The following ABI3BP variants were observed in gnomAD, a reference collection of about 807,000 sequenced individuals.
ABI3BP encodes the protein target of Nesh-SH3.
Under a neutral mutation model 268.6 loss-of-function variants are expected in ABI3BP, and 216 were observed. That is an observed-to-expected ratio of 0.80 (90% CI 0.72 to 0.90). The LOEUF is 0.90. ABI3BP is among the 40% of genes least tolerant of loss of function. The pLI, the probability that ABI3BP is intolerant of heterozygous loss-of-function variation, is 0.00. For missense variants in ABI3BP, 2,090 were observed against 2,182.4 expected (o/e 0.96, Z 0.84); for synonymous variants, 730 against 730.0 (o/e 1.00, Z 0.00).
intron 19 of ABI3BP, 119 bp downstream of exon 19, chr3:100,847,483 T>G (rs919619514): frequency 1.2e-6 from 1 of 866,076 alleles, no homozygotes; most frequent in African/African-American, 1.7e-5. Flanking sequence ...TGGGCCATGC[T>G]GTTCAAATGA....
chr3:100,909,831 T>C (rs1489941569), intron 2 of ABI3BP, among the ~76,000 whole-genome samples: 1 of 152,184 alleles, frequency 6.6e-6, no homozygotes, highest in Non-Finnish European at 1.5e-5. Context: ...GAGTGTAAAT[T>C]AGTTCAACCA....
chr3:100,819,460 A>G (rs1298452670), intron 40 of ABI3BP, among the ~76,000 whole-genome samples: 1 of 152,138 alleles, frequency 6.6e-6, no homozygotes, highest in African/African-American at 2.4e-5. Flanking sequence ...AATGTTTCAT[A>G]CTGGGACAGG....
chr3:100,902,482 C>G lies in ABI3BP; in HGVS notation c.328+136G>C, dbSNP rs2050903992. ...TGTGTTACTTCTCCAAAAGGGTAAA[C>G]TGTGGACCCAGGGCTGACACCTCCT... On this transcript the variant is annotated intron_variant, in intron 3 of 67. Transcript: ENST00000471714. 9 of 710,758 alleles carry G rather than the reference C, an allele frequency of 1.3e-5. No individual in the cohort carries two copies. In the South Asian group the frequency reaches 1.9e-4, roughly 15 times the overall value. 44.0% of individuals were successfully genotyped at this position (710,758 alleles called of 1,614,324 possible).
intron 1 of ABI3BP, among the ~76,000 whole-genome samples, chr3:100,992,236 C>T (rs2093052697): frequency 6.6e-6 from 1 of 152,214 alleles, no homozygotes; most frequent in African/African-American, 2.4e-5. Flanking sequence ...CTTCAGCCTT[C>T]ACATGCTGGA....
intron 1 of ABI3BP, among the ~76,000 whole-genome samples, chr3:100,991,246 T>A (rs1244368275): frequency 2.0e-5 from 3 of 152,200 alleles, no homozygotes; most frequent in African/African-American, 7.2e-5. Context: ...TCACAAATAG[T>A]ATTTAACCAA....
intron 55 of ABI3BP, among the ~76,000 whole-genome samples, chr3:100,790,643 C>T (rs1398236981): frequency 2.0e-5 from 3 of 151,964 alleles, no homozygotes; most frequent in Non-Finnish European, 4.4e-5. Flanking sequence ...TATTTTGGGC[C>T]TTCCCAAGTA....
At chr3:100,884,204 A>G (rs913066896) in intron 6 of ABI3BP, among the ~76,000 whole-genome samples, 7 of 152,040 alleles carry the variant, frequency 4.6e-5, no homozygotes, top group Non-Finnish European at 8.8e-5. Flanking sequence ...CATTCTAAAT[A>G]TTTAAGTATT....
intron 2 of ABI3BP, among the ~76,000 whole-genome samples, chr3:100,915,327 G>C (rs1455221524): frequency 2.6e-5 from 4 of 152,168 alleles, no homozygotes; most frequent in Non-Finnish European, 5.9e-5. Context: ...GACATACTGT[G>C]TACCTGATGC....
In ABI3BP at chr3:100,825,811, C is replaced by A. The variant is rs1355936029; in HGVS notation, c.2636G>T (p.Arg879Ile). 1 of 1,535,550 alleles carries A rather than the reference C, an allele frequency of 6.5e-7. No individual in the cohort carries two copies. The highest frequency in any genetic ancestry group is 2.4e-5 in the East Asian group (1 of 40,906). Residue 879 changes from arginine to isoleucine, a missense_variant, in exon 35 of 68, where the codon AGA becomes ATA. Transcript: ENST00000471714. ...TAAGGTTGTTGCAGGGATCTCAGTT[C>A]TAAAAGTAACAGGCTCGAGGTCTGT... is the stretch of plus-strand genomic sequence containing the variant. ...PVTDLEPVTF[R>I]TEIPATTLAT...
intron 51 of ABI3BP, among the ~76,000 whole-genome samples, chr3:100,801,456 G>T (rs1461075613): frequency 6.9e-6 from 1 of 145,122 alleles, no homozygotes; most frequent in Non-Finnish European, 1.5e-5. Flanking sequence ...GAAAAGAAAA[G>T]AAAAAAAGAT....
At chr3:100,901,562 G>C (rs975122979) in intron 3 of ABI3BP, among the ~76,000 whole-genome samples, 1 of 152,030 alleles carries the variant, frequency 6.6e-6, no homozygotes, top group Non-Finnish European at 1.5e-5. Context: ...TCAGGAGGTC[G>C]AGACTGTCCT....
At chr3:100,921,312 G>T (rs1182295125) in intron 2 of ABI3BP, among the ~76,000 whole-genome samples, 1 of 152,156 alleles carries the variant, frequency 6.6e-6, no homozygotes, top group Non-Finnish European at 1.5e-5. Flanking sequence ...CATAACTGTG[G>T]CTGTAGGTCT....
intron 31 of ABI3BP, 81 bp from the exon 32 acceptor site, chr3:100,830,715 C>A (rs944116816): frequency 1.6e-6 from 2 of 1,240,820 alleles, no homozygotes; most frequent in Non-Finnish European, 2.2e-6. Context: ...CACCAAAAAT[C>A]GGATTTCTAA....
intron 1 of ABI3BP, among the ~76,000 whole-genome samples, chr3:100,970,506 C>T (rs1033875247): frequency 6.6e-6 from 1 of 152,198 alleles, no homozygotes; most frequent in Admixed American, 6.5e-5. Context: ...GGGTCTTACC[C>T]TTGCCCCTCT....
chr3:100,832,660 C>T (rs1046689474), intron 30 of ABI3BP, among the ~76,000 whole-genome samples: 3 of 152,104 alleles, frequency 2.0e-5, no homozygotes, highest in South Asian at 2.1e-4. Flanking sequence ...TTCTAACCAA[C>T]CCTACACTAT....
At chr3:100,902,366 G>T (rs2050840302) in intron 3 of ABI3BP, among the ~76,000 whole-genome samples, 3 of 152,140 alleles carry the variant, frequency 2.0e-5, no homozygotes, top group Admixed American at 2.0e-4. Flanking sequence ...GCAGAATCCA[G>T]GAGTAGAGAG....
chr3:100,841,212 T>TG (rs1386903664), intron 21 of ABI3BP, among the ~76,000 whole-genome samples: 9 of 114,506 alleles, frequency 7.9e-5, no homozygotes, highest in Non-Finnish European at 1.1e-4. Flanking sequence ...TTTTTTTTTT[T>TG]TTTTTTTTTT....
intron 29 of ABI3BP, among the ~76,000 whole-genome samples, 177 bp downstream of exon 29, chr3:100,834,507 C>T (rs1415541556): frequency 1.3e-5 from 2 of 152,092 alleles, no homozygotes; most frequent in Non-Finnish European, 2.9e-5. Context: ...GGTCCTCACG[C>T]AATCAGAATG....
At chr3:100,927,709 T>C (rs2062248956) in intron 1 of ABI3BP, among the ~76,000 whole-genome samples, 1 of 152,062 alleles carries the variant, frequency 6.6e-6, no homozygotes, top group Admixed American at 6.6e-5. Flanking sequence ...GCTAAACCAT[T>C]AGAAACCACC....
Sources: allele counts gnomAD v4.1 joint callset (sites outside exome capture counted in the v4.1 genomes callset), GRCh38; gene constraint gnomAD v4.1.1; transcripts MANE v1.5; gene names NCBI Gene and HGNC (gene_info 2026-07-23, HGNC 2026-07-21).